The following MECOM variants were observed in gnomAD, a reference collection of about 807,000 sequenced individuals.
MECOM encodes the protein MDS1 and EVI1 complex locus, also known as histone-lysine N-methyltransferase MECOM.
In MECOM, 13 loss-of-function variants were observed where a neutral mutation model predicts 116.3. The ratio of observed to expected loss-of-function variants is 0.11; its 90% CI spans 0.07 to 0.18. MECOM has a LOEUF of 0.18. Among genes scored for constraint, MECOM ranks in the 10% least tolerant of loss-of-function variants. MECOM has a pLI of 1.00. For missense variants in MECOM, 1,299 were observed against 1,509.0 expected, an observed-to-expected ratio of 0.86 and a Z score of 2.31; for synonymous variants, 528 against 535.2, an observed-to-expected ratio of 0.99 and a Z score of 0.19.
At chr3:169,156,599 C>T (rs1365926549) in intron 2 of MECOM, among the ~76,000 whole-genome samples, 8 of 152,162 alleles carry the variant, frequency 5.3e-5, no homozygotes, top group African/African-American at 1.9e-4. Flanking sequence ...CGATCCTTTG[C>T]CTGTAAACTA....
chr3:169,295,453 A>G (rs1346130604), intron 2 of MECOM, among the ~76,000 whole-genome samples: 1 of 152,226 alleles, frequency 6.6e-6, no homozygotes, highest in Non-Finnish European at 1.5e-5. Context: ...TTATGAAAAA[A>G]CATTAAAAAG....
At chr3:169,596,258 C>G (rs80252408) in intron 1 of MECOM, among the ~76,000 whole-genome samples, 2,484 of 152,300 alleles carry the variant, frequency 0.016, 33 homozygotes, top group Non-Finnish European at 0.024. Context: ...GATGTAAACT[C>G]TTGTGCCAAG....
At chr3:169,378,478 A>AG (rs1731636552) in intron 2 of MECOM, among the ~76,000 whole-genome samples, 4 of 48,156 alleles carry the variant, frequency 8.3e-5, no homozygotes, top group African/African-American at 1.9e-4. Context: ...AGCAAGCAAG[A>AG]AAGAGAGAGA....
chr3:169,329,380 T>C (rs1368553563), intron 2 of MECOM, among the ~76,000 whole-genome samples: 1 of 152,244 alleles, frequency 6.6e-6, no homozygotes, highest in Non-Finnish European at 1.5e-5. Context: ...GAAGCTGTTT[T>C]GTCCATTAAC....
At chr3:169,566,169 A>T (rs921017535) in intron 1 of MECOM, 2 of 228,596 alleles carry the variant, frequency 8.7e-6, no homozygotes, top group Non-Finnish European at 1.8e-5. Context: ...CCATGAGCCA[A>T]CCACCTCCCA....
At chr3:169,383,204 T>C (rs1039929972) in intron 1 of MECOM, among the ~76,000 whole-genome samples, 1 of 152,208 alleles carries the variant, frequency 6.6e-6, no homozygotes, top group East Asian at 1.9e-4. Context: ...GCAAAAGTAT[T>C]GTTTAATGAG....
chr3:169,112,466 A>C (rs1019583577), intron 9 of MECOM, among the ~76,000 whole-genome samples: 2 of 152,142 alleles, frequency 1.3e-5, no homozygotes, highest in African/African-American at 2.4e-5. Flanking sequence ...TCTTAGTATC[A>C]GCAACCACCA....
At chr3:169,548,822 T>C (rs1311686624) in intron 1 of MECOM, among the ~76,000 whole-genome samples, 1 of 152,218 alleles carries the variant, frequency 6.6e-6, no homozygotes, top group Non-Finnish European at 1.5e-5. Flanking sequence ...TAGGTTTACA[T>C]ATGTTAGGCA....
intron 1 of MECOM, among the ~76,000 whole-genome samples, chr3:169,569,290 C>A (rs758207901): frequency 3.3e-5 from 5 of 151,294 alleles, no homozygotes; most frequent in Non-Finnish European, 5.9e-5. Context: ...ACAAGAAGAG[C>A]TAATATATGC....
At chr3:169,176,476 T>G (rs996540888) in intron 2 of MECOM, among the ~76,000 whole-genome samples, 1 of 152,074 alleles carries the variant, frequency 6.6e-6, no homozygotes, top group African/African-American at 2.4e-5. Context: ...TCAAGATGGA[T>G]TAGAGACTTA....
At chr3:169,166,801 A>G (rs942230423) in intron 2 of MECOM, among the ~76,000 whole-genome samples, 1 of 152,186 alleles carries the variant, frequency 6.6e-6, no homozygotes, top group African/African-American at 2.4e-5. Context: ...GCAAAAAAAT[A>G]ACAAAAATGT....
intron 1 of MECOM, among the ~76,000 whole-genome samples, chr3:169,567,271 A>G (rs1454453688): frequency 6.6e-6 from 1 of 152,270 alleles, no homozygotes; most frequent in African/African-American, 2.4e-5. Flanking sequence ...TAAGAACCTT[A>G]GAATAACTTC....
chr3:169,599,151 C>T (rs1343602103), intron 1 of MECOM, among the ~76,000 whole-genome samples: 1 of 152,134 alleles, frequency 6.6e-6, no homozygotes, highest in African/African-American at 2.4e-5. Flanking sequence ...CTAAAGTAAA[C>T]TGAAGTGAGC....
intron 1 of MECOM, chr3:169,477,020 A>G (rs970712758): frequency 1.3e-5 from 2 of 148,558 alleles, no homozygotes; most frequent in African/African-American, 2.5e-5. Context: ...TTTTAGAAAT[A>G]CTCATGTTAA....
intron 2 of MECOM, among the ~76,000 whole-genome samples, chr3:169,334,588 G>T (rs1463906516): frequency 6.6e-6 from 1 of 152,114 alleles, no homozygotes; most frequent in Non-Finnish European, 1.5e-5. Context: ...CATTCATTGC[G>T]AGAGAGAAAT....
intron 1 of MECOM, among the ~76,000 whole-genome samples, chr3:169,634,111 C>G (rs1473404896): frequency 6.6e-6 from 1 of 152,120 alleles, no homozygotes; most frequent in Non-Finnish European, 1.5e-5. Flanking sequence ...GAACCATTAT[C>G]ACAGAAGGAG....
intron 2 of MECOM, among the ~76,000 whole-genome samples, chr3:169,274,812 C>T (rs992952652): frequency 1.3e-5 from 2 of 152,188 alleles, no homozygotes; most frequent in African/African-American, 4.8e-5. Flanking sequence ...GTGCAGATTA[C>T]AGAACATTTT....
intron 4 of MECOM, 101 bp downstream of exon 4, chr3:169,131,328 G>T: frequency 2.9e-6 from 3 of 1,036,128 alleles, no homozygotes; most frequent in Non-Finnish European, 4.5e-6. Flanking sequence ...ACATTGAAAA[G>T]CCAGGGAAAC....
At chr3:169,162,799 C>G (rs2149352050) in intron 2 of MECOM, among the ~76,000 whole-genome samples, 1 of 152,204 alleles carries the variant, frequency 6.6e-6, no homozygotes, top group East Asian at 1.9e-4. Context: ...CTGGGTGAAT[C>G]TGTCAGAATA....
Sources: gnomAD v4.1 joint callset for allele counts (sites outside exome capture counted in the v4.1 genomes callset) on GRCh38, gnomAD v4.1.1 for gene constraint, MANE v1.5 for transcripts, NCBI Gene and HGNC (gene_info 2026-07-23, HGNC 2026-07-21) for gene names.